The following DNER variants were observed in gnomAD, a reference collection of about 807,000 sequenced individuals.
The protein encoded by DNER is delta/notch like EGF repeat containing.
A neutral mutation model predicts 78.2 loss-of-function variants in DNER; 33 were observed. The ratio of observed to expected loss-of-function variants is 0.42; its 90% CI spans 0.32 to 0.56. The LOEUF is 0.56. Among genes scored for constraint, DNER ranks in the 20% least tolerant of loss-of-function variants. The probability of loss-of-function intolerance (pLI) is 0.11; values close to 1 mark genes in which losing one functional copy is unlikely to be tolerated. For missense variants in DNER, 918 were observed against 975.3 expected (o/e 0.94, Z 0.78); for synonymous variants, 417 against 384.8 (o/e 1.08, Z -0.98).
intron 2 of DNER, among the ~76,000 whole-genome samples, chr2:229,590,904 TCC>T (rs1321218973): frequency 1.3e-5 from 2 of 152,220 alleles, no homozygotes; most frequent in Non-Finnish European, 2.9e-5. Flanking sequence ...CTTAGCACCG[TCC>T]CCTTGGTGAT....
At chr2:229,544,687 C>T (rs1407550211) in intron 5 of DNER, among the ~76,000 whole-genome samples, 1 of 151,904 alleles carries the variant, frequency 6.6e-6, no homozygotes, top group African/African-American at 2.4e-5. Context: ...TGCCCACCAC[C>T]ACGCCTGGCT....
chr2:229,362,361 T>C (rs569370674), intron 12 of DNER, among the ~76,000 whole-genome samples: 1 of 152,364 alleles, frequency 6.6e-6, no homozygotes, highest in South Asian at 2.1e-4. Context: ...CAAGCCTAGA[T>C]GCTGAACACT....
intron 1 of DNER, among the ~76,000 whole-genome samples, chr2:229,674,741 G>A (rs916938988): frequency 6.6e-6 from 1 of 152,186 alleles, no homozygotes; most frequent in African/African-American, 2.4e-5. Flanking sequence ...GGATTCAGGG[G>A]TGAGGATAAC....
rs149341599 is a variant in DNER at position 229,689,189 on chromosome 2, G to A, written c.276+24959C>T. ...CCATAATCCAAGTTTATGCCTATAC[G>A]TTTAGCCTATGGTACCTATAGTCCT... On this transcript the variant is annotated intron_variant, in intron 1 of 12. Transcript: ENST00000341772. Among the ~76,000 whole-genome samples, 36 of 152,152 alleles carry A rather than the reference G, an allele frequency of 2.4e-4. 1 individual carries two copies. The highest frequency in any genetic ancestry group is 2.0e-3 in the Admixed American group (30 of 15,284).
chr2:229,549,073 T>C (rs1696680084), intron 4 of DNER, among the ~76,000 whole-genome samples: 1 of 152,140 alleles, frequency 6.6e-6, no homozygotes. Context: ...TTGAAATCTA[T>C]GAAGCATTAA....
chr2:229,456,607 G>A (rs1694579425), intron 7 of DNER, among the ~76,000 whole-genome samples: 2 of 152,012 alleles, frequency 1.3e-5, no homozygotes, highest in South Asian at 2.1e-4. Context: ...CTCTTCTGCA[G>A]CTACATGTAC....
chr2:229,371,292 T>A lies in DNER; in HGVS notation c.1856-4173A>T, dbSNP rs141364676. Among the ~76,000 whole-genome samples the A allele has an allele frequency of 3.6e-3, 542 of 152,330 alleles. 4 individuals are homozygous for A. The highest frequency in any genetic ancestry group is 0.013 in the African/African-American group (524 of 41,578). On this transcript the variant is annotated intron_variant, in intron 11 of 12. Transcript: ENST00000341772. The stretch of plus-strand genomic sequence containing the variant: ...CCACCATCTCTCAGTCCAGATGCTA[T>A]CCTCATAAGTCATTGCTTTGCTGCA...
chr2:229,461,648 A>T (rs11896385), intron 7 of DNER, among the ~76,000 whole-genome samples: 58,222 of 151,912 alleles, frequency 0.38, 13,060 homozygotes, highest in African/African-American at 0.62. Flanking sequence ...AGGATTAATA[A>T]GCTATAACAG....
intron 1 of DNER, among the ~76,000 whole-genome samples, chr2:229,610,426 C>T (rs1219060235): frequency 6.6e-6 from 1 of 152,164 alleles, no homozygotes; most frequent in African/African-American, 2.4e-5. Context: ...ATTCAGATGG[C>T]CAGTTCTATC....
intron 1 of DNER, among the ~76,000 whole-genome samples, chr2:229,667,171 C>T (rs13386895): frequency 0.21 from 31,436 of 152,106 alleles, 5,635 homozygotes; most frequent in African/African-American, 0.49. Context: ...TCCCATATGG[C>T]CTGGATAATG....
intron 1 of DNER, among the ~76,000 whole-genome samples, chr2:229,612,697 C>T (rs924126496): frequency 3.3e-5 from 5 of 152,204 alleles, no homozygotes; most frequent in Admixed American, 3.3e-4. Context: ...GCCCAGGTTT[C>T]GCTTTGACCA....
intron 5 of DNER, among the ~76,000 whole-genome samples, chr2:229,528,687 A>G (rs1273153260): frequency 6.6e-6 from 1 of 152,208 alleles, no homozygotes; most frequent in African/African-American, 2.4e-5. Context: ...CGAGGACAGG[A>G]ACACATAAAT....
chr2:229,689,385 T>G (rs1372354599), intron 1 of DNER, among the ~76,000 whole-genome samples: 3 of 152,178 alleles, frequency 2.0e-5, no homozygotes, highest in African/African-American at 4.8e-5. Flanking sequence ...TAAAATTCAT[T>G]TAAACATGCA....
intron 4 of DNER, among the ~76,000 whole-genome samples, chr2:229,578,623 C>CCAG (rs1697343090): frequency 6.6e-6 from 1 of 152,164 alleles, no homozygotes; most frequent in African/African-American, 2.4e-5. Context: ...TTCAATACTG[C>CCAG]CAGCAGCCCT....
chr2:229,519,591 A>T (rs1696053861), intron 5 of DNER, among the ~76,000 whole-genome samples: 1 of 152,052 alleles, frequency 6.6e-6, no homozygotes, highest in African/African-American at 2.4e-5. Context: ...CAGGTGTCCC[A>T]GCTGGCAAGC....
chr2:229,565,964 C>A (rs1376546082), intron 4 of DNER, among the ~76,000 whole-genome samples: 1 of 152,166 alleles, frequency 6.6e-6, no homozygotes, highest in Non-Finnish European at 1.5e-5. Flanking sequence ...TTTTAAATTA[C>A]TGTAGCACTC....
rs899265806 is a variant in DNER, at chr2:229,369,452, C to CA, written c.1856-2334dup. Among the ~76,000 whole-genome samples the CA allele has an allele frequency of 1.0e-4, 14 of 139,064 alleles. 1 individual carries two copies. The highest frequency in any genetic ancestry group is 2.7e-4 in the African/African-American group (10 of 37,728). The allele number at this position is 139,064 out of a possible 152,430, so 91.2% of individuals were successfully genotyped here. ...AAAAAGTTTCAACTTTCTAAAAAGT[C>CA]AAAAAAAAAGTTTCAACTTTCTAAA... On this transcript the variant is annotated intron_variant, in intron 11 of 12. Transcript: ENST00000341772.
intron 6 of DNER, among the ~76,000 whole-genome samples, chr2:229,509,213 T>TA (rs1230418379): frequency 1.3e-5 from 2 of 152,164 alleles, no homozygotes; most frequent in East Asian, 1.9e-4. Flanking sequence ...CAAACCTAGA[T>TA]AAAAAATATC....
chr2:229,551,131 T>C (rs1381531911), intron 4 of DNER, among the ~76,000 whole-genome samples: 1 of 152,242 alleles, frequency 6.6e-6, no homozygotes. Flanking sequence ...ACTTCCTACA[T>C]TGTTTCATTT....
Sources: gnomAD v4.1 joint callset for allele counts (sites outside exome capture counted in the v4.1 genomes callset) on GRCh38, gnomAD v4.1.1 for gene constraint, MANE v1.5 for transcripts, NCBI Gene and HGNC (gene_info 2026-07-23, HGNC 2026-07-21) for gene names.